SYNDIG1: variants seen among roughly 807,000 people sequenced by gnomAD.
The protein encoded by SYNDIG1 is synapse differentiation-inducing gene protein 1.
In SYNDIG1, 9 loss-of-function variants were observed where a neutral mutation model predicts 19.4. That is an observed-to-expected ratio of 0.46 (90% CI 0.28 to 0.81). The LOEUF is 0.81. Among genes scored for constraint, SYNDIG1 ranks in the 30% least tolerant of loss-of-function variants. The probability of loss-of-function intolerance (pLI) is 0.12; values close to 1 mark genes in which losing one functional copy is unlikely to be tolerated. For missense variants in SYNDIG1, 311 were observed against 343.3 expected (o/e 0.91, Z 0.74); for synonymous variants, 141 against 145.9 (o/e 0.97, Z 0.24).
At position 24,632,870 on chromosome 20, in the gene SYNDIG1, C is replaced by T. The variant is rs569425996; in HGVS notation, c.619-32476C>T. Among the ~76,000 whole-genome samples, 7 of 152,118 alleles carry T rather than the reference C, an allele frequency of 4.6e-5. No individual in the cohort carries two copies. The South Asian group carries it at 8.3e-4, about 18-fold the overall frequency. On this transcript the variant is annotated intron_variant, in intron 3 of 3. Transcript: ENST00000376862. ...GTTTTCCTCCCTTCTGGAATAAATTCGCGAGAAGCTGAAACAGAACTTGAA... is the reference window on the plus strand; with the variant it reads ...GTTTTCCTCCCTTCTGGAATAAATTTGCGAGAAGCTGAAACAGAACTTGAA...
At chr20:24,550,732 G>A (rs764811952) in intron 2 of SYNDIG1, among the ~76,000 whole-genome samples, 1 of 152,012 alleles carries the variant, frequency 6.6e-6, no homozygotes, top group African/African-American at 2.4e-5. Context: ...GGATGGTCTC[G>A]ATCTCCTGAC....
intron 3 of SYNDIG1, among the ~76,000 whole-genome samples, chr20:24,627,897 A>T (rs1181670698): frequency 6.6e-6 from 1 of 152,206 alleles, no homozygotes; most frequent in Non-Finnish European, 1.5e-5. Flanking sequence ...CTTGGCGGAG[A>T]TCCTCGGGCC....
chr20:24,665,340 C>G lies in SYNDIG1; in HGVS notation c.619-6C>G, dbSNP rs1386230424. On this transcript the variant is annotated splice_region_variant and splice_polypyrimidine_tract_variant and intron_variant, in intron 3 of 3. Coordinates refer to ENST00000376862, the MANE Select transcript of SYNDIG1 (RefSeq NM_024893.3). ...ATGACTTCCTTTTTCTTCTCCAACT[C>G]TGCAGACCAACAAAGCCGTGGCCAA... 1 of 1,598,078 alleles carries G rather than the reference C, an allele frequency of 6.3e-7. No homozygotes were observed. Among genetic ancestry groups the G allele is most frequent in the Non-Finnish European group, 8.5e-7 (1 of 1,174,272 alleles).
At chr20:24,557,590 G>A (rs2057848540) in intron 2 of SYNDIG1, among the ~76,000 whole-genome samples, 2 of 152,130 alleles carry the variant, frequency 1.3e-5, no homozygotes. Context: ...TGTTTGCCTG[G>A]GTATCAGCAG....
chr20:24,624,865 ATAAT>A (rs2059097865), intron 3 of SYNDIG1, among the ~76,000 whole-genome samples: 1 of 152,376 alleles, frequency 6.6e-6, no homozygotes, highest in East Asian at 1.9e-4. Context: ...AGACAACAAA[ATAAT>A]TAAGACAGAA....
intron 3 of SYNDIG1, among the ~76,000 whole-genome samples, chr20:24,600,531 A>G (rs1741999025): frequency 6.7e-6 from 1 of 150,228 alleles, no homozygotes. Context: ...CACAGAACAC[A>G]CTTTTCTTGC....
At chr20:24,566,069 C>T (rs2058036895) in intron 2 of SYNDIG1, among the ~76,000 whole-genome samples, 1 of 152,162 alleles carries the variant, frequency 6.6e-6, no homozygotes, top group Non-Finnish European at 1.5e-5. Context: ...CAGGGAGGAG[C>T]AGTGAGTGAG....
chr20:24,654,971 C>T (rs537729662), intron 3 of SYNDIG1, among the ~76,000 whole-genome samples: 1 of 152,338 alleles, frequency 6.6e-6, no homozygotes, highest in South Asian at 2.1e-4. Flanking sequence ...TGGCCATTTG[C>T]AGGCACGCAG....
chr20:24,487,648 T>C (rs1372149995), intron 1 of SYNDIG1, among the ~76,000 whole-genome samples: 2 of 151,856 alleles, frequency 1.3e-5, no homozygotes, highest in Non-Finnish European at 2.9e-5. Flanking sequence ...TGTATATGTG[T>C]GTGTATAAGT....
chr20:24,523,811 G>A (rs929805703), intron 1 of SYNDIG1, among the ~76,000 whole-genome samples: 9 of 152,188 alleles, frequency 5.9e-5, no homozygotes, highest in Non-Finnish European at 1.3e-4. Context: ...ACTTCCAGCT[G>A]TGCATGCGCG....
intron 1 of SYNDIG1, among the ~76,000 whole-genome samples, chr20:24,514,047 T>C (rs2056808899): frequency 2.0e-5 from 3 of 152,102 alleles, no homozygotes; most frequent in Non-Finnish European, 2.9e-5. Context: ...GAAGGAGAAA[T>C]AAAATCCTTT....
chr20:24,535,697 T>TG (rs1435284328), intron 1 of SYNDIG1, among the ~76,000 whole-genome samples: 1 of 152,144 alleles, frequency 6.6e-6, no homozygotes, highest in African/African-American at 2.4e-5. Flanking sequence ...ATAACAAGGG[T>TG]GACACCACTC....
chr20:24,609,705 T>C (rs941399721), intron 3 of SYNDIG1, among the ~76,000 whole-genome samples: 1 of 152,148 alleles, frequency 6.6e-6, no homozygotes, highest in Non-Finnish European at 1.5e-5. Context: ...ACTGGAAGGA[T>C]GAGTTTATAA....
intron 1 of SYNDIG1, among the ~76,000 whole-genome samples, chr20:24,511,326 T>C (rs1381653893): frequency 6.6e-6 from 1 of 152,192 alleles, no homozygotes; most frequent in Admixed American, 6.5e-5. Context: ...TTCCTCAGTG[T>C]AGGAGTTTCC....
At chr20:24,555,912 G>A (rs1267102538) in intron 2 of SYNDIG1, among the ~76,000 whole-genome samples, 1 of 152,082 alleles carries the variant, frequency 6.6e-6, no homozygotes, top group Admixed American at 6.5e-5. Context: ...GGGTGTTAAA[G>A]TCTCCCATTA....
At chr20:24,506,275 A>G (rs1312349434) in intron 1 of SYNDIG1, among the ~76,000 whole-genome samples, 2 of 152,254 alleles carry the variant, frequency 1.3e-5, no homozygotes, top group East Asian at 1.9e-4. Context: ...CATGTGGAAT[A>G]AGATGAGGTG....
intron 2 of SYNDIG1, among the ~76,000 whole-genome samples, chr20:24,581,685 G>A (rs1449904625): frequency 2.0e-5 from 3 of 152,038 alleles, no homozygotes; most frequent in African/African-American, 7.3e-5. Context: ...CATGGGGCAA[G>A]CCTTCCACAC....
intron 1 of SYNDIG1, among the ~76,000 whole-genome samples, chr20:24,526,752 A>AT (rs2057133354): frequency 1.3e-5 from 2 of 152,080 alleles, no homozygotes; most frequent in African/African-American, 4.8e-5. Flanking sequence ...CTCTAAGTAG[A>AT]TTTTTTATTT....
intron 3 of SYNDIG1, among the ~76,000 whole-genome samples, chr20:24,623,037 T>A (rs1037171893): frequency 6.6e-6 from 1 of 152,172 alleles, no homozygotes; most frequent in African/African-American, 2.4e-5. Context: ...AGACTTCTCA[T>A]CAGAAACTGT....
Sources: allele counts gnomAD v4.1 joint callset (sites outside exome capture counted in the v4.1 genomes callset), GRCh38; gene constraint gnomAD v4.1.1; transcripts MANE v1.5; gene names NCBI Gene and HGNC (gene_info 2026-07-23, HGNC 2026-07-21).